The following DGKB variants were observed in gnomAD, a reference collection of about 807,000 sequenced individuals.
DGKB encodes diacylglycerol kinase beta.
In DGKB, 67 loss-of-function variants were observed where a neutral mutation model predicts 114.3. That is an observed-to-expected ratio of 0.59 (90% CI 0.48 to 0.72). DGKB has a LOEUF of 0.72. Ranked by LOEUF, DGKB falls within the 30% of genes least tolerant of loss-of-function variation. The pLI, the probability that DGKB is intolerant of heterozygous loss-of-function variation, is 0.00. For missense variants in DGKB, 907 were observed against 975.2 expected (o/e 0.93, Z 0.93); for synonymous variants, 398 against 323.1 (o/e 1.23, Z -2.49).
intron 17 of DGKB, among the ~76,000 whole-genome samples, chr7:14,587,005 A>C (rs2050968916): frequency 6.6e-6 from 1 of 152,158 alleles, no homozygotes; most frequent in South Asian, 2.1e-4. Flanking sequence ...ATCAAGGAGT[A>C]ATTCAACTTT....
intron 2 of DGKB, among the ~76,000 whole-genome samples, chr7:14,782,879 G>A (rs2128491471): frequency 6.6e-6 from 1 of 152,104 alleles, no homozygotes; most frequent in Admixed American, 6.5e-5. Flanking sequence ...CTGTGGCCCA[G>A]GCTGGAGTGC....
intron 21 of DGKB, among the ~76,000 whole-genome samples, chr7:14,432,895 G>A (rs1304936573): frequency 6.6e-6 from 1 of 152,038 alleles, no homozygotes; most frequent in African/African-American, 2.4e-5. Context: ...GTATCACCTG[G>A]GAGGAATGAG....
chr7:14,313,799 C>G (rs1289110490), intron 23 of DGKB, among the ~76,000 whole-genome samples: 2 of 152,186 alleles, frequency 1.3e-5, no homozygotes, highest in Non-Finnish European at 2.9e-5. Context: ...GGAGGCCTGC[C>G]TGCCTCTGTA....
chr7:14,772,685 A>G (rs1170695227), intron 2 of DGKB, among the ~76,000 whole-genome samples: 1 of 152,118 alleles, frequency 6.6e-6, no homozygotes, highest in Non-Finnish European at 1.5e-5. Flanking sequence ...AAGTGAATGG[A>G]AAGAGATATC....
intron 4 of DGKB, among the ~76,000 whole-genome samples, chr7:14,740,753 G>T (rs1210851005): frequency 6.6e-6 from 1 of 152,036 alleles, no homozygotes; most frequent in Non-Finnish European, 1.5e-5. Context: ...TATAGCAGGG[G>T]GAAAGGCAGT....
chr7:14,653,657 TAA>T (rs201785873), intron 13 of DGKB, among the ~76,000 whole-genome samples: 255 of 146,994 alleles, frequency 1.7e-3, no homozygotes, highest in African/African-American at 5.6e-3. Context: ...AAGTATAATT[TAA>T]AAAAAAAAAG....
At chr7:14,534,880 T>C (rs1224802515) in intron 20 of DGKB, among the ~76,000 whole-genome samples, 2 of 152,162 alleles carry the variant, frequency 1.3e-5, no homozygotes, top group Non-Finnish European at 2.9e-5. Context: ...TAGAAATCAA[T>C]TGCAGAAAGA....
chr7:14,849,713 T>C (rs905118176), intron 1 of DGKB, among the ~76,000 whole-genome samples: 1 of 152,132 alleles, frequency 6.6e-6, no homozygotes, highest in Non-Finnish European at 1.5e-5. Context: ...AATTACCTAA[T>C]GTTATCCTCC....
At chr7:14,501,822 G>C (rs566199810) in intron 20 of DGKB, among the ~76,000 whole-genome samples, 1 of 151,920 alleles carries the variant, frequency 6.6e-6, no homozygotes, top group African/African-American at 2.4e-5. Flanking sequence ...ATTTCAAGAT[G>C]AACTATATTC....
intron 5 of DGKB, among the ~76,000 whole-genome samples, chr7:14,729,358 G>A (rs968005101): frequency 1.4e-4 from 21 of 151,930 alleles, no homozygotes; most frequent in Non-Finnish European, 2.1e-4. Context: ...TCCTGACCTT[G>A]TGATTCGCCC....
chr7:14,418,798 T>C (rs1233588510), intron 21 of DGKB, among the ~76,000 whole-genome samples: 45 of 151,944 alleles, frequency 3.0e-4, no homozygotes, highest in Admixed American at 2.9e-3. Flanking sequence ...ATAATGGTTA[T>C]CTTGCAGATT....
At chr7:14,523,561 C>G (rs1481074851) in intron 20 of DGKB, among the ~76,000 whole-genome samples, 2 of 152,004 alleles carry the variant, frequency 1.3e-5, no homozygotes, top group Non-Finnish European at 2.9e-5. Context: ...CAATCAAGGC[C>G]ACACATAAAA....
intron 1 of DGKB, among the ~76,000 whole-genome samples, chr7:14,912,375 C>A (rs1784044272): frequency 6.6e-6 from 1 of 152,066 alleles, no homozygotes; most frequent in Non-Finnish European, 1.5e-5. Context: ...ATTTTATTTT[C>A]CTGCAATAAG....
chr7:14,261,202 TA>T (rs2128412656), intron 23 of DGKB, among the ~76,000 whole-genome samples: 1 of 151,276 alleles, frequency 6.6e-6, no homozygotes, highest in Admixed American at 6.6e-5. Flanking sequence ...ACTACCAAAA[TA>T]ATTTAGACAA....
chr7:14,605,221 A>C (rs1804258854), intron 17 of DGKB, among the ~76,000 whole-genome samples: 1 of 151,984 alleles, frequency 6.6e-6, no homozygotes, highest in Non-Finnish European at 1.5e-5. Context: ...GAAAAATGAA[A>C]CTGATCAATG....
intron 23 of DGKB, chr7:14,190,679 A>T (rs1347402801): frequency 6.6e-6 from 1 of 152,114 alleles, no homozygotes; most frequent in African/African-American, 2.4e-5. Context: ...AAGAAAGAAG[A>T]CTCAAAAAAA....
chr7:14,570,782 A>G (rs1364138682), intron 20 of DGKB, among the ~76,000 whole-genome samples: 1 of 152,012 alleles, frequency 6.6e-6, no homozygotes, highest in African/African-American at 2.4e-5. Context: ...AAATAGGTGG[A>G]GAAGGTAAAA....
At chr7:14,191,342 C>T (rs967215911) in intron 23 of DGKB, 2 of 155,604 alleles carry the variant, frequency 1.3e-5, no homozygotes, top group Non-Finnish European at 1.4e-5. Context: ...AATGCCAACA[C>T]AGTAACATCT....
At chr7:14,539,798 A>G (rs1793122219) in intron 20 of DGKB, among the ~76,000 whole-genome samples, 2 of 152,072 alleles carry the variant, frequency 1.3e-5, no homozygotes, top group African/African-American at 2.4e-5. Context: ...AGAGGTGTGT[A>G]TTTTATCACA....
Sources: allele counts gnomAD v4.1 joint callset (sites outside exome capture counted in the v4.1 genomes callset), GRCh38; gene constraint gnomAD v4.1.1; transcripts MANE v1.5; gene names NCBI Gene and HGNC (gene_info 2026-07-23, HGNC 2026-07-21).